SORCS1: variants seen among roughly 807,000 people sequenced by gnomAD.
SORCS1 encodes the protein sortilin related VPS10 domain containing receptor 1, also known as VPS10 domain-containing receptor SorCS1.
Under a neutral mutation model 146.1 loss-of-function variants are expected in SORCS1, and 60 were observed. The observed-to-expected ratio is 0.41, with a 90% CI of 0.33 to 0.51. The LOEUF is 0.51. Among genes scored for constraint, SORCS1 ranks in the 20% least tolerant of loss-of-function variants. The probability of loss-of-function intolerance (pLI) is 0.21; values close to 1 mark genes in which losing one functional copy is unlikely to be tolerated. For missense variants in SORCS1, 1,352 were observed against 1,487.6 expected, an observed-to-expected ratio of 0.91 and a Z score of 1.50; for synonymous variants, 637 against 584.0, an observed-to-expected ratio of 1.09 and a Z score of -1.31.
At chr10:106,600,335 A>G in intron 23 of SORCS1, 3 of 971,536 alleles carry the variant, frequency 3.1e-6, no homozygotes, top group South Asian at 9.5e-5. Flanking sequence ...TGGTAACAGA[A>G]AGTACGTTTC....
intron 2 of SORCS1, among the ~76,000 whole-genome samples, chr10:106,873,638 G>A (rs766916328): frequency 6.6e-6 from 1 of 151,876 alleles, no homozygotes; most frequent in East Asian, 1.9e-4. Context: ...ATACGTTCCT[G>A]CTTTTTAGAT....
intron 6 of SORCS1, among the ~76,000 whole-genome samples, chr10:106,719,753 A>T (rs954339647): frequency 2.0e-5 from 3 of 152,084 alleles, no homozygotes; most frequent in Non-Finnish European, 2.9e-5. Context: ...CCTCCATACC[A>T]GCTATCATAC....
upstream of SORCS1, among the ~76,000 whole-genome samples, chr10:107,167,798 T>A (rs1970087364): frequency 6.6e-6 from 1 of 151,844 alleles, no homozygotes; most frequent in African/African-American, 2.4e-5. Context: ...GTATATATAT[T>A]CATATATATG....
chr10:107,088,501 A>G (rs1231299225), intron 1 of SORCS1, among the ~76,000 whole-genome samples: 1 of 152,142 alleles, frequency 6.6e-6, no homozygotes, highest in African/African-American at 2.4e-5. Context: ...CCTATTCTAG[A>G]GTATTTCCAG....
intron 23 of SORCS1, among the ~76,000 whole-genome samples, chr10:106,604,779 A>C (rs1190871351): frequency 6.6e-6 from 1 of 152,046 alleles, no homozygotes; most frequent in Non-Finnish European, 1.5e-5. Flanking sequence ...ATAGGCCTAA[A>C]CTCATTTTTT....
chr10:106,888,009 C>G (rs915036522), intron 2 of SORCS1, among the ~76,000 whole-genome samples: 1 of 152,106 alleles, frequency 6.6e-6, no homozygotes, highest in East Asian at 1.9e-4. Flanking sequence ...TTCCAAATTC[C>G]CAACTCCTTG....
At chr10:106,813,281 C>T (rs955854760) in intron 3 of SORCS1, among the ~76,000 whole-genome samples, 20 of 151,674 alleles carry the variant, frequency 1.3e-4, no homozygotes, top group African/African-American at 4.6e-4. Flanking sequence ...TACAGGCACC[C>T]ACCCGCAAGC....
chr10:106,825,269 CTT>C (rs35830829), intron 3 of SORCS1, among the ~76,000 whole-genome samples: 9 of 119,166 alleles, frequency 7.6e-5, no homozygotes, highest in Middle Eastern at 4.5e-3. Context: ...GAGATTTCAA[CTT>C]TTTTTTTTTT....
chr10:107,179,557 G>A, the SORCS1 span, among the ~76,000 whole-genome samples: 1 of 152,204 alleles, frequency 6.6e-6, no homozygotes, highest in African/African-American at 2.4e-5. Context: ...ATTCAGCACT[G>A]TAATCCAATT....
intron 2 of SORCS1, among the ~76,000 whole-genome samples, chr10:106,883,995 C>T (rs2137767513): frequency 6.6e-6 from 1 of 152,226 alleles, no homozygotes; most frequent in East Asian, 1.9e-4. Flanking sequence ...TTGCTGAGAA[C>T]ATAAGTCATT....
At chr10:107,165,369 T>C (rs1482002958), upstream of SORCS1, among the ~76,000 whole-genome samples, 2 of 151,796 alleles carry the variant, frequency 1.3e-5, no homozygotes, top group African/African-American at 4.8e-5. This position sits in a 1 kb window ranked among gnomAD's most constrained non-coding sequence, Gnocchi z 4.0. Context: ...CTTAGATTTC[T>C]CTCCTAACCT....
At chr10:106,985,516 C>A (rs1956431132) in intron 1 of SORCS1, among the ~76,000 whole-genome samples, 1 of 150,000 alleles carries the variant, frequency 6.7e-6, no homozygotes, top group South Asian at 2.1e-4. Context: ...GAAGTCTATT[C>A]ATGTACTATT....
At chr10:106,631,082 G>A (rs1433214457) in intron 18 of SORCS1, among the ~76,000 whole-genome samples, 1 of 152,068 alleles carries the variant, frequency 6.6e-6, no homozygotes, top group East Asian at 1.9e-4. Context: ...TTTTGAAAAG[G>A]CCAAGTTTAA....
In SORCS1 at chr10:106,620,316, G is replaced by T. The variant is rs918157895; in HGVS notation, c.2796+112C>A. The stretch of plus-strand genomic sequence containing the variant: ...ACCAAGGGAGCTTGTTGTCCTTGAA[G>T]CTACAACTGCTTCTACACTCTAGGG... On this transcript the variant is annotated intron_variant, in intron 20 of 25. Transcript: ENST00000263054. The T allele has an allele frequency of 5.8e-6, 8 of 1,385,464 alleles. No homozygotes were observed. In the African/African-American group the frequency reaches 8.7e-5, roughly 15 times the overall value. 85.8% of individuals were successfully genotyped at this position (1,385,464 alleles called of 1,614,324 possible).
At chr10:107,045,031 A>T (rs1205949245) in intron 1 of SORCS1, among the ~76,000 whole-genome samples, 2 of 152,094 alleles carry the variant, frequency 1.3e-5, no homozygotes, top group African/African-American at 4.8e-5. Context: ...AAGGATGCGC[A>T]TTTGAGTAAC....
chr10:106,596,609 T>C (rs968766652), intron 24 of SORCS1, among the ~76,000 whole-genome samples: 1 of 152,168 alleles, frequency 6.6e-6, no homozygotes, highest in African/African-American at 2.4e-5. Flanking sequence ...TCATGACCAA[T>C]TCCAGGTTCA....
In SORCS1 at chr10:107,132,698, T is replaced by C. The variant is rs963811698; in HGVS notation, c.558+31271A>G. Among the ~76,000 whole-genome samples the C allele has an allele frequency of 2.0e-5, 3 of 152,236 alleles. No individual in the cohort carries two copies. In the South Asian group the frequency reaches 6.2e-4, roughly 32 times the overall value. On this transcript the variant is annotated intron_variant, in intron 1 of 25. Coordinates refer to ENST00000263054, the MANE Select transcript of SORCS1 (RefSeq NM_052918.5). ...CACACTATTTTAAGCAGCACTTCCG[T>C]GCCTAGTTCCATTCAAACAATCGAT...
chr10:107,173,707 C>A, the SORCS1 span, among the ~76,000 whole-genome samples: 1 of 151,944 alleles, frequency 6.6e-6, no homozygotes, highest in South Asian at 2.1e-4. Context: ...TCTGGAATTT[C>A]TTTGTATGTA....
chr10:107,003,779 G>A (rs937386745), intron 1 of SORCS1, among the ~76,000 whole-genome samples: 2 of 152,078 alleles, frequency 1.3e-5, no homozygotes, highest in Admixed American at 6.5e-5. Flanking sequence ...TGTGCCTCTT[G>A]TTACATAATT....
Sources: allele counts gnomAD v4.1 joint callset (sites outside exome capture counted in the v4.1 genomes callset), GRCh38; gene constraint gnomAD v4.1.1; non-coding constraint Gnocchi (gnomAD v3.1); transcripts MANE v1.5; gene names NCBI Gene and HGNC (gene_info 2026-07-23, HGNC 2026-07-21).